The following RBFOX1 variants were observed in gnomAD, a reference collection of about 807,000 sequenced individuals.
RBFOX1 encodes RNA binding fox-1 homolog 1.
RBFOX1 carries 8 observed loss-of-function variants against 57.7 expected under a neutral mutation model. That is an observed-to-expected ratio of 0.14 (90% CI 0.08 to 0.25). The LOEUF (loss-of-function observed/expected upper bound fraction) is 0.25. RBFOX1 is among the 10% of genes least tolerant of loss of function. RBFOX1 has a pLI of 1.00. For synonymous variants in RBFOX1, 326 were observed against 222.4 expected (o/e 1.47, Z -4.15); for missense variants, 611 against 548.5 (o/e 1.11, Z -1.14).
chr16:5,906,209 A>C (rs1209180325), intron 4 of RBFOX1, among the ~76,000 whole-genome samples: 1 of 152,080 alleles, frequency 6.6e-6, no homozygotes, highest in Non-Finnish European at 1.5e-5. Flanking sequence ...CCTTATTTGG[A>C]AATAGGGTTC....
chr16:6,973,784 ATTTT>A (rs1009392694), intron 3 of RBFOX1, among the ~76,000 whole-genome samples: 1 of 151,944 alleles, frequency 6.6e-6, no homozygotes, highest in African/African-American at 2.4e-5. Flanking sequence ...TTTAATTTTT[ATTTT>A]TTTAAGTTCC....
At chr16:6,946,637 C>T (rs2079577504) in intron 3 of RBFOX1, among the ~76,000 whole-genome samples, 3 of 151,484 alleles carry the variant, frequency 2.0e-5, no homozygotes, top group Non-Finnish European at 1.5e-5. Context: ...GGGTCTGGTT[C>T]AGTCACCCAG....
intron 1 of RBFOX1, among the ~76,000 whole-genome samples, chr16:6,285,475 A>G (rs1462534308): frequency 6.6e-6 from 1 of 152,156 alleles, no homozygotes; most frequent in Non-Finnish European, 1.5e-5. Context: ...ATCTCTACAT[A>G]TGGCAAAAGG....
intron 2 of RBFOX1, among the ~76,000 whole-genome samples, chr16:6,602,673 C>T (rs1233508932): frequency 2.0e-5 from 3 of 152,214 alleles, no homozygotes; most frequent in African/African-American, 7.2e-5. Context: ...GATGCATGGA[C>T]AGCTCATATG....
chr16:6,917,007 A>G (rs961988468), intron 3 of RBFOX1, among the ~76,000 whole-genome samples: 16 of 151,882 alleles, frequency 1.1e-4, no homozygotes, highest in African/African-American at 3.6e-4. Flanking sequence ...ATGCCATCAC[A>G]TCAGGCTAAT....
intron 4 of RBFOX1, among the ~76,000 whole-genome samples, chr16:7,346,191 T>C (rs1296563257): frequency 6.6e-6 from 1 of 152,118 alleles, no homozygotes; most frequent in Non-Finnish European, 1.5e-5. Flanking sequence ...TATTCCATGG[T>C]GTATATGTGC....
At chr16:7,001,879 G>A (rs928295004) in intron 3 of RBFOX1, among the ~76,000 whole-genome samples, 1 of 152,150 alleles carries the variant, frequency 6.6e-6, no homozygotes. Context: ...TTCTTATTAA[G>A]TGGGGAGTCC....
chr16:6,607,006 C>T (rs188966268), intron 2 of RBFOX1, among the ~76,000 whole-genome samples: 197 of 152,296 alleles, frequency 1.3e-3, no homozygotes, highest in African/African-American at 4.4e-3. Context: ...TCTCCAGAGC[C>T]TTGTCAGCAT....
At chr16:5,577,540 A>G (rs2046505879) in intron 2 of RBFOX1, among the ~76,000 whole-genome samples, 1 of 152,208 alleles carries the variant, frequency 6.6e-6, no homozygotes, top group South Asian at 2.1e-4. Flanking sequence ...TGTAGTCCCC[A>G]GCACGGGGCC....
At chr16:6,568,731 G>A (rs548562259) in intron 2 of RBFOX1, among the ~76,000 whole-genome samples, 2 of 152,136 alleles carry the variant, frequency 1.3e-5, no homozygotes, top group African/African-American at 4.8e-5. Context: ...TCAGGGGCCA[G>A]TTGGGTGGAA....
chr16:6,669,877 C>T (rs951313655), intron 3 of RBFOX1, among the ~76,000 whole-genome samples: 2 of 152,112 alleles, frequency 1.3e-5, no homozygotes, highest in African/African-American at 4.8e-5. Context: ...GGGAGGTAGA[C>T]GGCACTTATC....
chr16:6,666,167 C>T (rs1224608561), intron 3 of RBFOX1, among the ~76,000 whole-genome samples: 1 of 152,148 alleles, frequency 6.6e-6, no homozygotes, highest in East Asian at 1.9e-4. Context: ...ACCTTTCTTT[C>T]TTTATAAATT....
intron 3 of RBFOX1, among the ~76,000 whole-genome samples, chr16:6,714,760 A>G (rs573117485): frequency 2.0e-5 from 3 of 152,140 alleles, no homozygotes; most frequent in South Asian, 4.1e-4. Context: ...CATGGGCAGT[A>G]CCGTTTTCTA....
intron 4 of RBFOX1, among the ~76,000 whole-genome samples, chr16:7,264,569 G>A (rs1767474608): frequency 1.3e-5 from 2 of 152,178 alleles, no homozygotes; most frequent in African/African-American, 4.8e-5. Context: ...GCAGAAAGTG[G>A]CCACAGATAG....
At chr16:7,259,697 T>G (rs912000291) in intron 4 of RBFOX1, among the ~76,000 whole-genome samples, 1 of 152,200 alleles carries the variant, frequency 6.6e-6, no homozygotes, top group African/African-American at 2.4e-5. Flanking sequence ...TTTTCTGATG[T>G]TTATACATCA....
intron 2 of RBFOX1, among the ~76,000 whole-genome samples, chr16:6,402,094 GA>G (rs199794236): frequency 0.03 from 2,906 of 98,172 alleles, 154 homozygotes; most frequent in East Asian, 0.28. Flanking sequence ...GAAGAAAACA[GA>G]AAAAAAAAAA....
At chr16:5,343,606 C>G (rs759850824) in intron 1 of RBFOX1, among the ~76,000 whole-genome samples, 27 of 152,090 alleles carry the variant, frequency 1.8e-4, no homozygotes, top group Non-Finnish European at 3.4e-4. Flanking sequence ...CAGGCATGAG[C>G]CACTGCGCCC....
At chr16:7,284,816 G>C (rs2095616868) in intron 4 of RBFOX1, among the ~76,000 whole-genome samples, 1 of 152,286 alleles carries the variant, frequency 6.6e-6, no homozygotes, top group African/African-American at 2.4e-5. Flanking sequence ...CACTGGCTGA[G>C]TGTTAGAGCT....
intron 3 of RBFOX1, among the ~76,000 whole-genome samples, chr16:5,786,232 C>A (rs992111167): frequency 1.1e-4 from 16 of 152,172 alleles, no homozygotes; most frequent in African/African-American, 3.9e-4. Context: ...TTTTGGACTT[C>A]TCTACTCCTT....
Sources: allele counts gnomAD v4.1 joint callset (sites outside exome capture counted in the v4.1 genomes callset), GRCh38; gene constraint gnomAD v4.1.1; transcripts MANE v1.5; gene names NCBI Gene and HGNC (gene_info 2026-07-23, HGNC 2026-07-21).